The following PIK3C2G variants were observed in gnomAD, a reference collection of about 807,000 sequenced individuals.
The protein encoded by PIK3C2G is phosphatidylinositol-4-phosphate 3-kinase catalytic subunit type 2 gamma.
Under a neutral mutation model 181.1 loss-of-function variants are expected in PIK3C2G, and 168 were observed. The ratio of observed to expected loss-of-function variants is 0.93; its 90% CI spans 0.82 to 1.05. The LOEUF (loss-of-function observed/expected upper bound fraction) is 1.05, where lower values mean the gene tolerates loss of function less well. Among genes scored for constraint, PIK3C2G ranks in the 50% least tolerant of loss-of-function variants. The pLI is 0.00. For missense variants in PIK3C2G, 1,869 were observed against 1,732.8 expected, an observed-to-expected ratio of 1.08 and a Z score of -1.40; for synonymous variants, 573 against 592.2, an observed-to-expected ratio of 0.97 and a Z score of 0.47.
chr12:18,629,674 A>G (rs1161867561), intron 31 of PIK3C2G, among the ~76,000 whole-genome samples: 1 of 152,130 alleles, frequency 6.6e-6, no homozygotes, highest in Non-Finnish European at 1.5e-5. Flanking sequence ...TTAGAAGTGG[A>G]GCATTGAGAC....
the PIK3C2G span, among the ~76,000 whole-genome samples, chr12:18,681,687 G>A: frequency 6.6e-6 from 1 of 152,028 alleles, no homozygotes; most frequent in Non-Finnish European, 1.5e-5. Context: ...TTCTCGCAAA[G>A]TCCGTATTCC....
chr12:18,410,248 C>T (rs774629572), intron 16 of PIK3C2G, among the ~76,000 whole-genome samples: 1 of 152,100 alleles, frequency 6.6e-6, no homozygotes, highest in African/African-American at 2.4e-5. Flanking sequence ...GCCTATAATC[C>T]CAACACTTTG....
chr12:18,446,313 C>T (rs915310435), intron 18 of PIK3C2G, among the ~76,000 whole-genome samples: 2 of 152,126 alleles, frequency 1.3e-5, no homozygotes, highest in Non-Finnish European at 2.9e-5. Context: ...GTCTCTCTTG[C>T]CCCTGGCTTT....
At chr12:18,429,583 G>T (rs1261123080) in intron 18 of PIK3C2G, among the ~76,000 whole-genome samples, 1 of 152,000 alleles carries the variant, frequency 6.6e-6, no homozygotes, top group Non-Finnish European at 1.5e-5. Context: ...CACCACTGCT[G>T]CCCTGTCCCT....
chr12:18,325,706 C>CAAAAAAAAAAAA (rs34711642), intron 8 of PIK3C2G, among the ~76,000 whole-genome samples: 6 of 61,618 alleles, frequency 9.7e-5, no homozygotes, highest in African/African-American at 3.3e-4. Flanking sequence ...GACTCAGTCT[C>CAAAAAAAAAAAA]AAAAAAAAAA....
chr12:18,383,643 C>T (rs1942980993), intron 14 of PIK3C2G, among the ~76,000 whole-genome samples: 1 of 152,064 alleles, frequency 6.6e-6, no homozygotes, highest in Non-Finnish European at 1.5e-5. Flanking sequence ...ATGTGAGGAA[C>T]AGTGGTAAAA....
At chr12:18,370,376 T>C (rs979063822) in intron 12 of PIK3C2G, among the ~76,000 whole-genome samples, 3 of 152,152 alleles carry the variant, frequency 2.0e-5, no homozygotes, top group Admixed American at 6.5e-5. Flanking sequence ...CTAGTATCTA[T>C]AATCCATCCA....
the PIK3C2G span, among the ~76,000 whole-genome samples, chr12:18,700,781 G>A: frequency 6.6e-6 from 1 of 151,992 alleles, no homozygotes; most frequent in African/African-American, 2.4e-5. Flanking sequence ...AAACCAGCTG[G>A]ATTGGTTTTG....
the PIK3C2G span, among the ~76,000 whole-genome samples, chr12:18,675,289 C>T: frequency 1.1e-4 from 16 of 152,110 alleles, no homozygotes; most frequent in Admixed American, 2.0e-4. Context: ...ATAAACAAAT[C>T]GATGGCTGTT....
chr12:18,432,320 T>C (rs11044107), intron 18 of PIK3C2G, among the ~76,000 whole-genome samples: 35,459 of 152,020 alleles, frequency 0.23, 4,378 homozygotes, highest in Admixed American at 0.34. Context: ...AGTGAAGAGT[T>C]ATGGAAATGA....
intron 26 of PIK3C2G, among the ~76,000 whole-genome samples, chr12:18,559,815 TATATATAGAGAGAG>T (rs1371301095): frequency 5.7e-4 from 14 of 24,492 alleles, no homozygotes; most frequent in Non-Finnish European, 8.7e-4. Flanking sequence ...TATATATATA[TATATATAGAGAGAG>T]AGAGAGAGAG....
Position 18,496,140 on chromosome 12 carries a change from AGCAT to A in PIK3C2G, c.2873_2876del (p.Ser958IlefsTer21). 5.9e-6 allele frequency: 9 copies of A among 1,529,370 alleles called. No individual in the cohort carries two copies. The highest frequency in any genetic ancestry group is 8.0e-6 in the Non-Finnish European group (9 of 1,130,584). 94.7% of individuals were successfully genotyped at this position (1,529,370 alleles called of 1,614,324 possible). On this transcript the variant is annotated frameshift_variant, in exon 21 of 33. Transcript: ENST00000538779. LOFTEE classifies it high-confidence loss of function. The stretch of plus-strand genomic sequence containing the variant: ...TGCTAATCCGATGGGCAAAAACATC[AGCAT>A]TATTTTTAAGGTATGGTAGCGCTCT...
At chr12:18,725,601 T>C in the PIK3C2G span, among the ~76,000 whole-genome samples, 2 of 152,228 alleles carry the variant, frequency 1.3e-5, no homozygotes, top group East Asian at 1.9e-4. Flanking sequence ...ACCTCCTTTG[T>C]CTTCAAGACA....
At chr12:18,584,269 C>T (rs1480356066) in intron 29 of PIK3C2G, among the ~76,000 whole-genome samples, 1 of 151,964 alleles carries the variant, frequency 6.6e-6, no homozygotes, top group African/African-American at 2.4e-5. Flanking sequence ...GATCCGCCTG[C>T]CTTGGCCTTC....
At chr12:18,568,384 TTGTGTGTGTGTGTG>T (rs56936466) in intron 29 of PIK3C2G, among the ~76,000 whole-genome samples, 1 of 145,744 alleles carries the variant, frequency 6.9e-6, no homozygotes, top group African/African-American at 2.5e-5. Context: ...ACCAACAAAA[TTGTGTGTGTGTGTG>T]TGTGTGTGTG....
In PIK3C2G at chr12:18,562,858, C is replaced by G; in HGVS notation, c.3746C>G (p.Ala1249Gly). 1 of 1,604,756 alleles carries G rather than the reference C, an allele frequency of 6.2e-7. No individual in the cohort carries two copies. Among genetic ancestry groups the G allele is most frequent in the East Asian group, 2.2e-5 (1 of 44,740 alleles). Residue 1249 changes from alanine to glycine, a missense_variant, in exon 27 of 33, where the codon GCA (alanine) becomes GGA (glycine). Physicochemically the swap from Ala to Gly is moderately conservative, Grantham distance 60. Transcript: ENST00000538779. ...LLSTTRSIERATILGFSKKSS... is the reference protein window; with the variant it reads ...LLSTTRSIERGTILGFSKKSS... ...AGTACAACTAGGTCGATTGAAAGAGCAACAATTTTAGGGTTCAGCAAGAAA... is the reference window on the plus strand; with the variant it reads ...AGTACAACTAGGTCGATTGAAAGAGGAACAATTTTAGGGTTCAGCAAGAAA...
At chr12:18,713,695 T>C in the PIK3C2G span, 1 of 152,214 alleles carries the variant, frequency 6.6e-6, no homozygotes, top group Non-Finnish European at 1.5e-5. Context: ...CTCTGTCTAT[T>C]CGACTCATAA....
chr12:18,428,369 G>A (rs1262277144), intron 18 of PIK3C2G, among the ~76,000 whole-genome samples: 1 of 149,812 alleles, frequency 6.7e-6, no homozygotes, highest in South Asian at 2.1e-4. Context: ...CATCAGTCAT[G>A]AGTTTATGAG....
At chr12:18,257,774 GAAA>G (rs984805036), upstream of PIK3C2G, among the ~76,000 whole-genome samples, 5 of 132,626 alleles carry the variant, frequency 3.8e-5, no homozygotes, top group Admixed American at 7.8e-5. Context: ...AAAAGAAGAA[GAAA>G]AAGAAAGAAA....
Sources: gnomAD v4.1 joint callset for allele counts (sites outside exome capture counted in the v4.1 genomes callset) on GRCh38, gnomAD v4.1.1 for gene constraint, MANE v1.5 for transcripts, NCBI Gene and HGNC (gene_info 2026-07-23, HGNC 2026-07-21) for gene names.